COL9A2: variants seen among roughly 807,000 people sequenced by gnomAD.
COL9A2 encodes the protein collagen type IX alpha 2 chain.
Under a neutral mutation model 111.6 loss-of-function variants are expected in COL9A2, and 66 were observed. That is an observed-to-expected ratio of 0.59 (90% CI 0.48 to 0.73). The LOEUF (loss-of-function observed/expected upper bound fraction) is 0.73. Ranked by LOEUF, COL9A2 falls within the 30% of genes least tolerant of loss-of-function variation. COL9A2 has a pLI of 0.00. For missense variants in COL9A2, 881 were observed against 954.1 expected (o/e 0.92, Z 1.01); for synonymous variants, 353 against 364.1 (o/e 0.97, Z 0.35).
intron 22 of COL9A2, 113 bp downstream of exon 22, chr1:40,304,681 C>T: frequency 7.2e-7 from 1 of 1,395,568 alleles, no homozygotes; most frequent in South Asian, 1.2e-5. Context: ...GCAAAGCAAA[C>T]CTAGGCCCTG....
rs1644183609 is a variant in COL9A2, at chr1:40,314,441, G to A, written c.151-54C>T. On this transcript the variant is annotated intron_variant, in intron 2 of 31. Coordinates refer to ENST00000372748, the MANE Select transcript of COL9A2 (RefSeq NM_001852.4). This position sits in a 1 kb window ranked among gnomAD's most constrained non-coding sequence, Gnocchi z 4.1. ...CACTACGGCTCACACTACCCCAAGT[G>A]GGCACACACAGGCCCTGGCAGGCCG... 3.1e-6 allele frequency: 5 copies of A among 1,611,200 alleles called. No homozygotes were observed. In the East Asian group the frequency reaches 6.7e-5, roughly 22 times the overall value.
At position 40,312,877 on chromosome 1, in the gene COL9A2, C is replaced by G; in HGVS notation, c.250-93G>C. The G allele has an allele frequency of 8.6e-7, 1 of 1,166,270 alleles. No individual in the cohort carries two copies. The highest frequency in any genetic ancestry group is 1.3e-5 in the South Asian group (1 of 75,382). The allele number at this position is 1,166,270 out of a possible 1,614,324, so 72.2% of individuals were successfully genotyped here. On this transcript the variant is annotated intron_variant, in intron 4 of 31. Coordinates refer to ENST00000372748, the MANE Select transcript of COL9A2 (RefSeq NM_001852.4). This position sits in a 1 kb window ranked among gnomAD's most constrained non-coding sequence, Gnocchi z 6.0. ...GTTCAAGGGTCCCTCCTGGGTGGGC[C>G]GAGGCTCCTTTTTGCCACACCTCAT...
chr1:40,304,134 TC>T, intron 24 of COL9A2, 35 bp from the exon 25 acceptor site: 4 of 1,531,278 alleles, frequency 2.6e-6, no homozygotes, highest in Non-Finnish European at 1.8e-6. Flanking sequence ...TTTGGCGAGC[TC>T]CCCCCTCCAC....
At position 40,311,072 on chromosome 1, in the gene COL9A2, GC is replaced by G; in HGVS notation, c.630+20del. On this transcript the variant is annotated intron_variant, in intron 12 of 31. Coordinates refer to ENST00000372748, the MANE Select transcript of COL9A2 (RefSeq NM_001852.4). This position sits in a 1 kb window ranked among gnomAD's most constrained non-coding sequence, Gnocchi z 5.1. ...CATCTCCACGTATCCCTGACCCACA[GC>G]CCTCAGCCCTTGCACTCACCGGCTT... is the stretch of plus-strand genomic sequence containing the variant. 3 of 1,613,758 alleles carry G rather than the reference GC, an allele frequency of 1.9e-6. No homozygotes were observed. Among genetic ancestry groups the G allele is most frequent in the Non-Finnish European group, 2.5e-6 (3 of 1,179,922 alleles).
chr1:40,304,060 T>C lies in COL9A2; in HGVS notation c.1323+4A>G. On this transcript the variant is annotated splice_donor_region_variant and intron_variant, in intron 25 of 31. Transcript: ENST00000372748. ...TCGCTGGGAACAGGGGTGCTGGAAC[T>C]CACCACTTTGCCGCGGGGCCCGGTC... The C allele has an allele frequency of 6.3e-7, 1 of 1,580,078 alleles. No homozygotes were observed. The highest frequency in any genetic ancestry group is 8.6e-7 in the Non-Finnish European group (1 of 1,163,828).
Position 40,301,334 on chromosome 1 carries a change from G to T in COL9A2, c.1918C>A (p.Arg640=). The T allele has an allele frequency of 6.2e-7, 1 of 1,610,336 alleles. No individual in the cohort carries two copies. The highest frequency in any genetic ancestry group is 8.5e-7 in the Non-Finnish European group (1 of 1,177,544). The change falls in exon 32 of 32, where the codon CGA becomes AGA. Residue 640 remains arginine, a synonymous_variant. Coordinates refer to ENST00000372748, the MANE Select transcript of COL9A2 (RefSeq NM_001852.4). ...TCTCCTGGAGCCCCTGGGGACCCTC[G>T]ATCTCCATCCTTGCCGTTGATTGCC... ...GQAINGKDGD[R]GSPGAPGEAG...
Position 40,307,673 on chromosome 1 carries a change from CCCCAGT to C in COL9A2, c.954+24_954+29del. 1 of 1,613,428 alleles carries C rather than the reference CCCCAGT, an allele frequency of 6.2e-7. No individual in the cohort carries two copies. ...TCCAGGACTCAAGGTCCTGCCCCTG[CCCCAGT>C]CCCATCAGCAGCCCCACTCCTACCT... On this transcript the variant is annotated intron_variant, in intron 18 of 31. Transcript: ENST00000372748. This position sits in a 1 kb window ranked among gnomAD's most constrained non-coding sequence, Gnocchi z 4.8.
rs1557808681 is a variant in COL9A2 at position 40,317,172 on chromosome 1, C to T, written c.26G>A (p.Arg9His). Residue 9 changes from arginine to histidine, a missense_variant, in exon 1 of 32, where the codon CGC becomes CAC. By Grantham distance (29) the Arg-to-His change is conservative (BLOSUM62 0). Transcript: ENST00000372748. This position sits in a 1 kb window ranked among gnomAD's most constrained non-coding sequence, Gnocchi z 4.3. MAAATASP[R>H]SLLVLLQVVV... ...CACCTGGAGGAGAACAAGGAGGCTGCGGGGGGAGGCCGTAGCGGCGGCCAT... is the reference window on the plus strand; with the variant it reads ...CACCTGGAGGAGAACAAGGAGGCTGTGGGGGGAGGCCGTAGCGGCGGCCAT... The T allele has an allele frequency of 3.1e-6, 5 of 1,588,598 alleles. No homozygotes were observed. The highest frequency in any genetic ancestry group is 4.3e-6 in the Non-Finnish European group (5 of 1,167,716).
intron 24 of COL9A2, 34 bp from the exon 25 acceptor site, chr1:40,304,133 C>T (rs955383026): frequency 6.5e-7 from 1 of 1,532,786 alleles, no homozygotes; most frequent in Non-Finnish European, 8.8e-7. Context: ...GTTTGGCGAG[C>T]TCCCCCCTCC....
intron 31 of COL9A2, 83 bp downstream of exon 31, chr1:40,301,729 C>A (rs1221531362): frequency 7.4e-7 from 1 of 1,348,852 alleles, no homozygotes; most frequent in Admixed American, 1.9e-5. Flanking sequence ...CGTGAGGCCG[C>A]CATGGAGGAG....
At position 40,305,765 on chromosome 1, in the gene COL9A2, C is replaced by T; in HGVS notation, c.1057G>A (p.Glu353Lys). ...GTKGGPGDQG[E>K]PGPQGLPGFS... ...CCAGGAAGGCCCTGCGGGCCCGGCT[C>T]ACCCTGCAGGAAAACAGTTCTCAGG... The change falls in exon 21 of 32, where the codon GAG (glutamate) becomes AAG (lysine). Residue 353 changes from glutamate (E) to lysine (K), a missense_variant. Glu to Lys is a moderately conservative substitution (Grantham distance 56). Coordinates refer to ENST00000372748, the MANE Select transcript of COL9A2 (RefSeq NM_001852.4). 1.2e-6 allele frequency: 2 copies of T among 1,614,164 alleles called. No homozygotes were observed. Among genetic ancestry groups the T allele is most frequent in the East Asian group, 2.2e-5 (1 of 44,888 alleles).
At position 40,302,624 on chromosome 1, in the gene COL9A2, T is replaced by G; in HGVS notation, c.1789A>C (p.Lys597Gln). The G allele has an allele frequency of 6.3e-7, 1 of 1,599,432 alleles. No individual in the cohort carries two copies. The highest frequency in any genetic ancestry group is 8.5e-7 in the Non-Finnish European group (1 of 1,175,036). The change falls in exon 30 of 32, where the codon AAG (lysine) becomes CAG (glutamine). Residue 597 changes from lysine (K) to glutamine (Q), a missense_variant. Coordinates refer to ENST00000372748, the MANE Select transcript of COL9A2 (RefSeq NM_001852.4). This position sits in a 1 kb window ranked among gnomAD's most constrained non-coding sequence, Gnocchi z 4.5. ...AVGQIGNTGP[K>Q]GKRGEKGDPG... The stretch of plus-strand genomic sequence containing the variant: ...CCCACCGCAGAGGAGCACTCACCCT[T>G]GGGCCCCGTGTTGCCGATCTGACCC...
rs1341743056 is a variant in COL9A2, at chr1:40,316,791, C to T, written c.75+332G>A. 2.5e-6 allele frequency: 1 copy of T among 408,092 alleles called. No individual in the cohort carries two copies. The highest frequency in any genetic ancestry group is 4.5e-6 in the Non-Finnish European group (1 of 224,418). 25.3% of individuals were successfully genotyped at this position (408,092 alleles called of 1,614,324 possible). A position where few individuals can be genotyped will look rare whatever the true frequency, so the allele number is the denominator to read the frequency against. ...GGCGGCGGGGGCGGAGGCTGCGCAG[C>T]GGGTGAATGAGCACCATTGTATGCC... On this transcript the variant is annotated intron_variant, in intron 1 of 31. Coordinates refer to ENST00000372748, the MANE Select transcript of COL9A2 (RefSeq NM_001852.4). This position sits in a 1 kb window ranked among gnomAD's most constrained non-coding sequence, Gnocchi z 5.5.
rs560574843 is a variant in COL9A2, at chr1:40,307,733, C to T, written c.924G>A (p.Lys308=). ...GATGPPGING[K]DGTPGTPGMK... Reference sequence around the variant, plus strand: ...TGCCAGGCGTGCCTGGGGTCCCATCCTTGCCGTTGATGCCTGGGGGGCCCT... The same window carrying T: ...TGCCAGGCGTGCCTGGGGTCCCATCTTTGCCGTTGATGCCTGGGGGGCCCT... Residue 308 remains lysine, a synonymous_variant, in exon 18 of 32, where the codon AAG becomes AAA. Coordinates refer to ENST00000372748, the MANE Select transcript of COL9A2 (RefSeq NM_001852.4). This position sits in a 1 kb window ranked among gnomAD's most constrained non-coding sequence, Gnocchi z 4.8. 1.2e-6 allele frequency: 2 copies of T among 1,614,186 alleles called. No individual in the cohort carries two copies. Among genetic ancestry groups the T allele is most frequent in the African/African-American group, 1.3e-5 (1 of 75,054 alleles).
Position 40,308,254 on chromosome 1 carries a change from C to T in COL9A2, c.847-9G>A, listed in dbSNP as rs201625720. 29 of 1,613,646 alleles carry T rather than the reference C, an allele frequency of 1.8e-5. No individual in the cohort carries two copies. The East Asian group carries it at 2.7e-4, about 15-fold the overall frequency. ...CGAATACCTGGGCTGCCCTGCAAAGCGGAGAGAGATCAGGTCACCCTCAGG... is the reference window on the plus strand; with the variant it reads ...CGAATACCTGGGCTGCCCTGCAAAGTGGAGAGAGATCAGGTCACCCTCAGG... On this transcript the variant is annotated splice_polypyrimidine_tract_variant and intron_variant, in intron 16 of 31. Coordinates refer to ENST00000372748, the MANE Select transcript of COL9A2 (RefSeq NM_001852.4).
intron 2 of COL9A2, 72 bp downstream of exon 2, chr1:40,315,518 C>T (rs1216036951): frequency 9.9e-6 from 15 of 1,507,620 alleles, no homozygotes; most frequent in African/African-American, 2.8e-5. Context: ...TCCCCACCCC[C>T]ACCACAGCGC....
Position 40,312,677 on chromosome 1 carries a change from C to CTCCCAAACGCTGGCCCTAGATT in COL9A2, c.303+32_303+53dup, listed in dbSNP as rs1644151275. ...GGCTCCTACTTCCTCTCTACAGCCA[C>CTCCCAAACGCTGGCCCTAGATT]TCCCAAACGCTGGCCCTAGATTGCC... On this transcript the variant is annotated intron_variant, in intron 5 of 31. Coordinates refer to ENST00000372748, the MANE Select transcript of COL9A2 (RefSeq NM_001852.4). The surrounding 1 kb of genome is among the most constrained non-coding windows in gnomAD (Gnocchi z 6.0). 1 of 1,589,850 alleles carries CTCCCAAACGCTGGCCCTAGATT rather than the reference C, an allele frequency of 6.3e-7. No homozygotes were observed. Among genetic ancestry groups the CTCCCAAACGCTGGCCCTAGATT allele is most frequent in the Non-Finnish European group, 8.6e-7 (1 of 1,167,156 alleles).
Position 40,311,453 on chromosome 1 carries a change from T to C in COL9A2, c.519+47A>G, listed in dbSNP as rs373274423. Reference sequence around the variant, plus strand: ...CCGTGGCCCCGCCTCCCCATCTCTGTGGCCCCGCCCCCCTGTGTTAGCCCC... The same window carrying C: ...CCGTGGCCCCGCCTCCCCATCTCTGCGGCCCCGCCCCCCTGTGTTAGCCCC... On this transcript the variant is annotated intron_variant, in intron 10 of 31. Transcript: ENST00000372748. The surrounding 1 kb of genome is among the most constrained non-coding windows in gnomAD (Gnocchi z 5.1). The C allele has an allele frequency of 2.6e-6, 4 of 1,566,852 alleles. No individual in the cohort carries two copies. The highest frequency in any genetic ancestry group is 3.5e-6 in the Non-Finnish European group (4 of 1,139,332).
chr1:40,312,466 G>C lies in COL9A2; in HGVS notation c.353C>G (p.Ala118Gly), dbSNP rs780149118. 2 of 1,613,648 alleles carry C rather than the reference G, an allele frequency of 1.2e-6. No individual in the cohort carries two copies. The highest frequency in any genetic ancestry group is 3.3e-5 in the Admixed American group (2 of 59,976). The change falls in exon 7 of 32, where the codon GCT becomes GGT. Residue 118 changes from alanine (A) to glycine (G), a missense_variant. Coordinates refer to ENST00000372748, the MANE Select transcript of COL9A2 (RefSeq NM_001852.4). The surrounding 1 kb of genome is among the most constrained non-coding windows in gnomAD (Gnocchi z 6.0). Reference sequence around the variant, plus strand: ...TCCCTGAGGACTTACAGGAGGTCCAGCAAAACCAGGGCCCTGGAACAGAAA... The same window carrying C: ...TCCCTGAGGACTTACAGGAGGTCCACCAAAACCAGGGCCCTGGAACAGAAA... ...GPPGLPGPGF[A>G]GPPGPPGPVG...
Sources: gnomAD v4.1 joint callset for allele counts on GRCh38, gnomAD v4.1.1 for gene constraint, Gnocchi (gnomAD v3.1) non-coding constraint, MANE v1.5 for transcripts, NCBI Gene and HGNC (gene_info 2026-07-23, HGNC 2026-07-21) for gene names.